KCNQ3: variants seen among roughly 807,000 people sequenced by gnomAD.
KCNQ3 encodes potassium voltage-gated channel subfamily KQT member 3.
In KCNQ3, 30 loss-of-function variants were observed where a neutral mutation model predicts 92.5. The observed-to-expected ratio is 0.32, with a 90% CI of 0.24 to 0.44. The LOEUF is 0.44. Among genes scored for constraint, KCNQ3 ranks in the 20% least tolerant of loss-of-function variants. The pLI, the probability that KCNQ3 is intolerant of heterozygous loss-of-function variation, is 1.00. For synonymous variants in KCNQ3, 450 were observed against 468.8 expected (o/e 0.96, Z 0.52); for missense variants, 913 against 1,140.3 (o/e 0.80, Z 2.87).
chr8:132,165,072 C>A (rs1339637934), intron 8 of KCNQ3, among the ~76,000 whole-genome samples: 1 of 152,170 alleles, frequency 6.6e-6, no homozygotes, highest in Non-Finnish European at 1.5e-5. Context: ...CTCTACTAGA[C>A]CCTTTCCATC....
chr8:132,368,597 G>A (rs1195666549), intron 1 of KCNQ3, among the ~76,000 whole-genome samples: 2 of 151,984 alleles, frequency 1.3e-5, no homozygotes, highest in Non-Finnish European at 2.9e-5. Flanking sequence ...AGGCTGCACT[G>A]AGCTGTGATT....
At chr8:132,268,318 C>G (rs1248159838) in intron 1 of KCNQ3, among the ~76,000 whole-genome samples, 1 of 152,026 alleles carries the variant, frequency 6.6e-6, no homozygotes, top group Non-Finnish European at 1.5e-5. Flanking sequence ...AGTTGGTCAC[C>G]CAGCAGCGCG....
intron 1 of KCNQ3, among the ~76,000 whole-genome samples, chr8:132,216,983 A>G (rs1429557415): frequency 1.3e-5 from 2 of 152,238 alleles, no homozygotes; most frequent in African/African-American, 4.8e-5. Context: ...AAAATAAATT[A>G]TGTTAAAAAC....
At chr8:132,305,766 T>TA (rs1260852136) in intron 1 of KCNQ3, among the ~76,000 whole-genome samples, 4 of 152,102 alleles carry the variant, frequency 2.6e-5, no homozygotes, top group Non-Finnish European at 5.9e-5. Context: ...GGGGCAGTAA[T>TA]AGAGTTTGAA....
chr8:132,129,561 T>G lies in KCNQ3; in HGVS notation c.2320A>C (p.Ile774Leu). ...ATGCTACGTCTCTGCCGGGGGGAGA[T>G]TCGGTCCGAGTAGGGGCCCTGCAGG... ...ADLQGPYSDR[I>L]SPRQRRSITR... Residue 774 changes from isoleucine to leucine, a missense_variant, in exon 15 of 15, where the codon ATC becomes CTC. Coordinates refer to ENST00000388996, the MANE Select transcript of KCNQ3 (RefSeq NM_004519.4). The surrounding 1 kb of genome is among the most constrained non-coding windows in gnomAD (Gnocchi z 5.9). 1 of 1,614,022 alleles carries G rather than the reference T, an allele frequency of 6.2e-7. No homozygotes were observed.
chr8:132,459,319 A>G (rs1035541770), intron 1 of KCNQ3, among the ~76,000 whole-genome samples: 9 of 152,302 alleles, frequency 5.9e-5, no homozygotes, highest in African/African-American at 2.2e-4. Context: ...GTAACTTATA[A>G]AGACAAGAGA....
At chr8:132,132,006 T>C (rs1408626091) in intron 14 of KCNQ3, among the ~76,000 whole-genome samples, 174 bp downstream of exon 14, 1 of 151,962 alleles carries the variant, frequency 6.6e-6, no homozygotes, top group Admixed American at 6.6e-5. Context: ...GAGAATCACT[T>C]GAACCTGGGA....
At chr8:132,215,978 G>T (rs748775319) in intron 1 of KCNQ3, among the ~76,000 whole-genome samples, 1 of 152,122 alleles carries the variant, frequency 6.6e-6, no homozygotes, top group Non-Finnish European at 1.5e-5. Flanking sequence ...GGGAGACTTG[G>T]ACCTGAGAGT....
chr8:132,316,672 C>T (rs75333444), intron 1 of KCNQ3, among the ~76,000 whole-genome samples: 11 of 152,100 alleles, frequency 7.2e-5, no homozygotes, highest in Admixed American at 7.2e-4. Flanking sequence ...AGACATCCAC[C>T]CTCTCTGAAG....
At chr8:132,292,761 G>C (rs949308073) in intron 1 of KCNQ3, among the ~76,000 whole-genome samples, 6 of 152,152 alleles carry the variant, frequency 3.9e-5, no homozygotes, top group Non-Finnish European at 7.3e-5. Context: ...GGCACTTTGG[G>C]CCTCAGGAAA....
chr8:132,258,559 G>A (rs1259744261), intron 1 of KCNQ3, among the ~76,000 whole-genome samples: 1 of 151,754 alleles, frequency 6.6e-6, no homozygotes, highest in African/African-American at 2.4e-5. Flanking sequence ...TCACAAAGAA[G>A]TATCTCAAAT....
intron 1 of KCNQ3, among the ~76,000 whole-genome samples, chr8:132,334,487 T>A (rs962172641): frequency 6.6e-6 from 1 of 152,210 alleles, no homozygotes; most frequent in Non-Finnish European, 1.5e-5. Flanking sequence ...TTTCCTTAAG[T>A]AAGTTCCTCA....
chr8:132,428,442 C>G (rs1256624963), intron 1 of KCNQ3, among the ~76,000 whole-genome samples: 1 of 152,152 alleles, frequency 6.6e-6, no homozygotes, highest in Non-Finnish European at 1.5e-5. Context: ...CAATTTAAAA[C>G]CGCAATCAGC....
At chr8:132,327,911 T>C (rs1316063716) in intron 1 of KCNQ3, among the ~76,000 whole-genome samples, 1 of 151,700 alleles carries the variant, frequency 6.6e-6, no homozygotes, top group African/African-American at 2.4e-5. Flanking sequence ...GTACTACAGC[T>C]CCCCACTCAC....
At chr8:132,219,685 T>C (rs1441647754) in intron 1 of KCNQ3, among the ~76,000 whole-genome samples, 1 of 152,164 alleles carries the variant, frequency 6.6e-6, no homozygotes, top group Non-Finnish European at 1.5e-5. Flanking sequence ...AATGTAATGA[T>C]GTCACTCTAG....
intron 1 of KCNQ3, among the ~76,000 whole-genome samples, chr8:132,284,944 C>T (rs1004746897): frequency 6.6e-6 from 1 of 152,168 alleles, no homozygotes; most frequent in African/African-American, 2.4e-5. Flanking sequence ...AACTTTTCTG[C>T]CTTGCTATTA....
chr8:132,291,286 T>C (rs1816827457), intron 1 of KCNQ3, among the ~76,000 whole-genome samples: 1 of 152,206 alleles, frequency 6.6e-6, no homozygotes, highest in Non-Finnish European at 1.5e-5. Context: ...CTTTCCCTTT[T>C]GGATACTGAC....
At chr8:132,364,732 A>C (rs1195710360) in intron 1 of KCNQ3, among the ~76,000 whole-genome samples, 2 of 145,114 alleles carry the variant, frequency 1.4e-5, no homozygotes, top group African/African-American at 5.2e-5. Context: ...CGATGAATGG[A>C]TGGGTGGCTG....
rs563634060 is a variant in KCNQ3 at position 132,193,654 on chromosome 8, C to T, written c.387-7473G>A. ...GGCTTCATTCACAGTGAGACAAACA[C>T]GGTGAAAACATTGATGCAGGAATTT... On this transcript the variant is annotated intron_variant, in intron 1 of 14. Coordinates refer to ENST00000388996, the MANE Select transcript of KCNQ3 (RefSeq NM_004519.4). Among the ~76,000 whole-genome samples the T allele has an allele frequency of 1.1e-4, 16 of 152,346 alleles. No individual in the cohort carries two copies. In the East Asian group the frequency reaches 2.7e-3, roughly 26 times the overall value.
Sources: allele counts gnomAD v4.1 joint callset (sites outside exome capture counted in the v4.1 genomes callset), GRCh38; gene constraint gnomAD v4.1.1; non-coding constraint Gnocchi (gnomAD v3.1); transcripts MANE v1.5; gene names NCBI Gene and HGNC (gene_info 2026-07-23, HGNC 2026-07-21).